PATZ1: variants seen among roughly 807,000 people sequenced by gnomAD.
The protein encoded by PATZ1 is POZ/BTB and AT hook containing zinc finger 1, also known as POZ-, AT hook-, and zinc finger-containing protein 1.
Under a neutral mutation model 46.2 loss-of-function variants are expected in PATZ1, and 9 were observed. The ratio of observed to expected loss-of-function variants is 0.19; its 90% CI spans 0.12 to 0.34. The LOEUF (loss-of-function observed/expected upper bound fraction) is 0.34. PATZ1 is among the 10% of genes least tolerant of loss of function. PATZ1 has a pLI of 1.00. For missense variants in PATZ1, 632 were observed against 923.0 expected, an observed-to-expected ratio of 0.68 and a Z score of 4.08; for synonymous variants, 426 against 378.6, an observed-to-expected ratio of 1.13 and a Z score of -1.45.
rs1356589851 is a variant in PATZ1, at chr22:31,326,935, C to A, written c.2020G>T (p.Asp674Tyr). 6.2e-7 allele frequency: 1 copy of A among 1,614,132 alleles called. No homozygotes were observed. Among genetic ancestry groups the A allele is most frequent in the Non-Finnish European group, 8.5e-7 (1 of 1,180,018 alleles). Residue 674 changes from aspartate to tyrosine, a missense_variant, in exon 5 of 5, where the codon GAT becomes TAT. Transcript: ENST00000266269. ...ATGGGCTGCTGGTCAACCTCAGGAT[C>A]TACTAAAGATGACGCAAATGCCGAC... Reference protein sequence around the residue: ...VQSAFASSLVDPEVDQQPMGP... With the variant: ...VQSAFASSLVYPEVDQQPMGP...
intron 3 of PATZ1, among the ~76,000 whole-genome samples, chr22:31,330,361 G>A (rs542659490): frequency 2.4e-4 from 37 of 152,204 alleles, no homozygotes; most frequent in African/African-American, 2.9e-4. Context: ...TCAGGAGATC[G>A]AGACCATCCT....
intron 3 of PATZ1, among the ~76,000 whole-genome samples, chr22:31,334,586 T>TA (rs1601488167): frequency 6.6e-6 from 1 of 152,170 alleles, no homozygotes; most frequent in African/African-American, 2.4e-5. Flanking sequence ...CCAACATTGT[T>TA]ACAAAGTGCA....
At chr22:31,332,107 C>T (rs1415430770) in intron 3 of PATZ1, among the ~76,000 whole-genome samples, 1 of 152,120 alleles carries the variant, frequency 6.6e-6, no homozygotes, top group Non-Finnish European at 1.5e-5. Context: ...GCGAAACTGT[C>T]TTGCTGAGTT....
In PATZ1 at chr22:31,326,882, G is replaced by T; in HGVS notation, c.*9C>A. ...AGATGGTTGTTTCCGTGGGGACACA[G>T]CAGCTGCCTCATTTCCCTTCAGGCC... On this transcript the variant is annotated 3_prime_UTR_variant, in exon 5 of 5. Transcript: ENST00000266269. The T allele has an allele frequency of 6.2e-7, 1 of 1,604,946 alleles. No homozygotes were observed. Among genetic ancestry groups the T allele is most frequent in the Non-Finnish European group, 8.5e-7 (1 of 1,174,314 alleles).
chr22:31,331,155 G>A (rs1192495923), intron 3 of PATZ1, among the ~76,000 whole-genome samples: 1 of 152,158 alleles, frequency 6.6e-6, no homozygotes, highest in African/African-American at 2.4e-5. Context: ...ATCCCTAAGA[G>A]GGAGGCTGTA....
intron 2 of PATZ1, chr22:31,340,757 C>A: frequency 9.5e-7 from 1 of 1,053,612 alleles, no homozygotes; most frequent in Non-Finnish European, 1.1e-6. Flanking sequence ...CAATAAGGAT[C>A]CGAGGGAGGG....
At chr22:31,339,328 C>G (rs1440027916) in intron 2 of PATZ1, among the ~76,000 whole-genome samples, 1 of 152,166 alleles carries the variant, frequency 6.6e-6, no homozygotes, top group Non-Finnish European at 1.5e-5. Context: ...CAAAGCCAAG[C>G]TGAAGTGATT....
chr22:31,342,802 C>T (rs1030210414), intron 2 of PATZ1, 95 bp downstream of exon 2: 12 of 1,396,826 alleles, frequency 8.6e-6, no homozygotes, highest in East Asian at 2.3e-5. Context: ...GGCGGTCAGC[C>T]GGGCCCCCGG....
chr22:31,338,160 A>G (rs1311894913), intron 2 of PATZ1: 1 of 152,328 alleles, frequency 6.6e-6, no homozygotes, highest in Non-Finnish European at 1.5e-5. Flanking sequence ...ACCCACCCCC[A>G]CCACACCCAG....
chr22:31,345,303 GC>G lies in PATZ1; in HGVS notation c.299del (p.Gly100AlafsTer38). 6.2e-7 allele frequency: 1 copy of G among 1,610,982 alleles called. No individual in the cohort carries two copies. The highest frequency in any genetic ancestry group is 8.5e-7 in the Non-Finnish European group (1 of 1,178,082). ...ATAAPGGGAG[G>X]SRELEMHTIS... is the part of the protein sequence containing the mutation. Reference sequence around the variant, plus strand: ...TAGTGTGCATCTCCAGCTCCCGGCTGCCCCCGGCCCCGCCGCCTGGTGCTGC... The same window carrying G: ...TAGTGTGCATCTCCAGCTCCCGGCTGCCCCGGCCCCGCCGCCTGGTGCTGC... On this transcript the variant is annotated frameshift_variant, in exon 1 of 5. Transcript: ENST00000266269. LOFTEE classifies it high-confidence loss of function. The surrounding 1 kb of genome is among the most constrained non-coding windows in gnomAD (Gnocchi z 7.4).
In PATZ1 at chr22:31,343,037, TACAC is replaced by T. The variant is rs145232999; in HGVS notation, c.1272-81_1272-78del. On this transcript the variant is annotated intron_variant, in intron 1 of 4. Coordinates refer to ENST00000266269, the MANE Select transcript of PATZ1 (RefSeq NM_014323.3). ...ACACAGGCACATATGCATACGTGTG[TACAC>T]ACACACACACACTCACTGCTGGAAA... 161 of 1,575,410 alleles carry T rather than the reference TACAC, an allele frequency of 1.0e-4. No homozygotes were observed. In the East Asian group the frequency reaches 2.1e-3, roughly 20 times the overall value.
At chr22:31,329,294 A>T (rs1416986081) in intron 3 of PATZ1, among the ~76,000 whole-genome samples, 1 of 152,200 alleles carries the variant, frequency 6.6e-6, no homozygotes, top group Non-Finnish European at 1.5e-5. Context: ...AGGAACCATG[A>T]CTAGAAATGT....
At chr22:31,336,561 T>C (rs1268213682) in intron 2 of PATZ1, among the ~76,000 whole-genome samples, 2 of 151,644 alleles carry the variant, frequency 1.3e-5, no homozygotes, top group Admixed American at 6.6e-5. Flanking sequence ...TCCCAGCGCT[T>C]TGGGAGGCCG....
Position 31,345,134 on chromosome 22 carries a change from T to C in PATZ1, c.469A>G (p.Lys157Glu). The C allele has an allele frequency of 1.2e-6, 2 of 1,614,174 alleles. No homozygotes were observed. The highest frequency in any genetic ancestry group is 1.7e-6 in the Non-Finnish European group (2 of 1,180,022). The change falls in exon 1 of 5, where the codon AAA (lysine) becomes GAA (glutamate). Residue 157 changes from lysine (K) to glutamate (E), a missense_variant. By Grantham distance (56) the Lys-to-Glu change is moderately conservative. Around this residue, in one of 7 missense-constraint regions of PATZ1, gnomAD observed 279 missense variants for 284.3 expected, o/e 0.98. Coordinates refer to ENST00000266269, the MANE Select transcript of PATZ1 (RefSeq NM_014323.3). The surrounding 1 kb of genome is among the most constrained non-coding windows in gnomAD (Gnocchi z 7.4). ...ACCAGGATCTGTACGTTGGACTGTTTGATGACTTCCTGGCAGATCTCGATA... is the reference window on the plus strand; with the variant it reads ...ACCAGGATCTGTACGTTGGACTGTTCGATGACTTCCTGGCAGATCTCGATA... ...SVIEICQEVI[K>E]QSNVQILVPP...
intron 3 of PATZ1, among the ~76,000 whole-genome samples, chr22:31,330,739 G>GTGAAAT (rs986580643): frequency 2.8e-4 from 42 of 152,194 alleles, no homozygotes; most frequent in African/African-American, 1.0e-3. Context: ...AAAAAAGTTT[G>GTGAAAT]TAACCTCCAG....
rs935003910 is a variant in PATZ1 at position 31,327,333 on chromosome 22, G to A, written c.1646-24C>T. On this transcript the variant is annotated intron_variant, in intron 4 of 4. Transcript: ENST00000266269. The surrounding 1 kb of genome is among the most constrained non-coding windows in gnomAD (Gnocchi z 4.2). ...TTCTACGAAAAAACAAAATATAGGAGAGCGATGAGGCCAGGCTCTGGAGAT... is the reference window on the plus strand; with the variant it reads ...TTCTACGAAAAAACAAAATATAGGAAAGCGATGAGGCCAGGCTCTGGAGAT... The A allele has an allele frequency of 1.3e-6, 2 of 1,598,822 alleles. No individual in the cohort carries two copies. Among genetic ancestry groups the A allele is most frequent in the Admixed American group, 1.7e-5 (1 of 59,634 alleles).
rs1430547720 is a variant in PATZ1 at position 31,345,046 on chromosome 22, G to T, written c.557C>A (p.Pro186His). Residue 186 changes from proline (P) to histidine (H), a missense_variant, in exon 1 of 5, where the codon CCT (proline) becomes CAT (histidine). By Grantham distance (77) the Pro-to-His change is moderately conservative. Coordinates refer to ENST00000266269, the MANE Select transcript of PATZ1 (RefSeq NM_014323.3). The surrounding 1 kb of genome is among the most constrained non-coding windows in gnomAD (Gnocchi z 7.4). ...RPPGTSDLGFPLDMTNGAALA... is the reference protein window; with the variant it reads ...RPPGTSDLGFHLDMTNGAALA... ...GGCTGCCCCGTTGGTCATGTCCAAA[G>T]GGAAGCCCAAGTCCGAGGTCCCAGG... is the stretch of plus-strand genomic sequence containing the variant. The T allele has an allele frequency of 1.9e-6, 3 of 1,614,168 alleles. No homozygotes were observed. Among genetic ancestry groups the T allele is most frequent in the Non-Finnish European group, 2.5e-6 (3 of 1,180,032 alleles).
In PATZ1 at chr22:31,326,925, A is replaced by C; in HGVS notation, c.2030T>G (p.Val677Gly). Residue 677 changes from valine (V) to glycine (G), a missense_variant, in exon 5 of 5, where the codon GTT becomes GGT. Around this residue, in one of 7 missense-constraint regions of PATZ1, gnomAD observed 176 missense variants for 249.4 expected, o/e 0.71. Coordinates refer to ENST00000266269, the MANE Select transcript of PATZ1 (RefSeq NM_014323.3). ...TTCAGGCCCCATGGGCTGCTGGTCA[A>C]CCTCAGGATCTACTAAAGATGACGC... ...AFASSLVDPE[V>G]DQQPMGPEGK The C allele has an allele frequency of 6.2e-7, 1 of 1,613,962 alleles. No homozygotes were observed. The highest frequency in any genetic ancestry group is 1.1e-5 in the South Asian group (1 of 91,046).
rs534009623 is a variant in PATZ1, at chr22:31,327,910, C to CA, written c.1646-602dup. The stretch of plus-strand genomic sequence containing the variant: ...CCTTTTCAGGGCCAAGCAGCCCAAG[C>CA]ACAGAGATTGAAAGCAACTCTGTAC... On this transcript the variant is annotated intron_variant, in intron 4 of 4. Transcript: ENST00000266269. This position sits in a 1 kb window ranked among gnomAD's most constrained non-coding sequence, Gnocchi z 4.2. Among the ~76,000 whole-genome samples the CA allele has an allele frequency of 1.3e-3, 200 of 152,322 alleles. 2 individuals are homozygous for CA. In the Middle Eastern group the frequency reaches 0.014, roughly 10 times the overall value.
Sources: gnomAD v4.1 joint callset for allele counts (sites outside exome capture counted in the v4.1 genomes callset) on GRCh38, gnomAD v4.1.1 for gene constraint, gnomAD v4.1.1 regional missense constraint, Gnocchi (gnomAD v3.1) non-coding constraint, MANE v1.5 for transcripts, NCBI Gene and HGNC (gene_info 2026-07-23, HGNC 2026-07-21) for gene names.